PCCA: variants seen among roughly 807,000 people sequenced by gnomAD.
The protein encoded by PCCA is propionyl-CoA carboxylase alpha chain, mitochondrial.
A neutral mutation model predicts 101.3 loss-of-function variants in PCCA; 74 were observed. The observed-to-expected ratio is 0.73, with a 90% CI of 0.61 to 0.89. The LOEUF is 0.89. Among genes scored for constraint, PCCA ranks in the 40% least tolerant of loss-of-function variants. The pLI is 0.00. For missense variants in PCCA, 891 were observed against 907.0 expected (o/e 0.98, Z 0.23); for synonymous variants, 294 against 313.6 (o/e 0.94, Z 0.66).
At chr13:100,237,365 C>CTGGATTTAAGACCAGACCTAAA (rs1342967023) in intron 8 of PCCA, 1 of 152,068 alleles carries the variant, frequency 6.6e-6, no homozygotes, top group East Asian at 1.9e-4. Flanking sequence ...AAGACCAGAC[C>CTGGATTTAAGACCAGACCTAAA]ATAGAAAATC....
At chr13:100,235,224 G>GT (rs939822730) in intron 7 of PCCA, among the ~76,000 whole-genome samples, 48 of 141,436 alleles carry the variant, frequency 3.4e-4, no homozygotes, top group Middle Eastern at 7.6e-3. Context: ...TGAAATTAAA[G>GT]TTTTTTTTTA....
intron 21 of PCCA, among the ~76,000 whole-genome samples, chr13:100,484,930 T>TG (rs3837563): frequency 0.28 from 41,823 of 152,038 alleles, 6,010 homozygotes; most frequent in African/African-American, 0.35. Context: ...TTTGATGCAC[T>TG]GATAGGACCT....
chr13:100,254,460 G>A (rs1359793836), intron 8 of PCCA, among the ~76,000 whole-genome samples: 2 of 152,110 alleles, frequency 1.3e-5, no homozygotes, highest in African/African-American at 4.8e-5. Flanking sequence ...TGAGGTGAGG[G>A]GTAACAAGTA....
chr13:100,393,190 A>G (rs16957384), intron 19 of PCCA, among the ~76,000 whole-genome samples: 1 of 152,184 alleles, frequency 6.6e-6, no homozygotes, highest in Non-Finnish European at 1.5e-5. Context: ...CGATTGCTCA[A>G]TATGATTATA....
chr13:100,320,754 G>T (rs573135019), intron 16 of PCCA, among the ~76,000 whole-genome samples: 2 of 151,994 alleles, frequency 1.3e-5, no homozygotes, highest in Non-Finnish European at 2.9e-5. Flanking sequence ...TTTTTGCATC[G>T]ATGTTCATGA....
chr13:100,268,917 A>T lies in PCCA; in HGVS notation c.914+134A>T, dbSNP rs1388326533. On this transcript the variant is annotated intron_variant, in intron 11 of 23. Coordinates refer to ENST00000376285, the MANE Select transcript of PCCA (RefSeq NM_000282.4). ...CTGTTGCCCAGGCAGTGGTGCAATC[A>T]CGGCTCACTGCAGCCTCCACCTCCC... 7 of 734,346 alleles carry T rather than the reference A, an allele frequency of 9.5e-6. No individual in the cohort carries two copies. The East Asian group carries it at 1.9e-4, about 20-fold the overall frequency. 45.5% of individuals were successfully genotyped at this position (734,346 alleles called of 1,614,324 possible).
intron 6 of PCCA, among the ~76,000 whole-genome samples, chr13:100,199,788 TACCA>T (rs1390785290): frequency 6.6e-6 from 1 of 152,248 alleles, no homozygotes; most frequent in Admixed American, 6.5e-5. Context: ...ACTGTTTTAT[TACCA>T]CTGGTACAAT....
intron 19 of PCCA, among the ~76,000 whole-genome samples, chr13:100,371,474 A>G (rs2152815965): frequency 6.6e-6 from 1 of 152,314 alleles, no homozygotes; most frequent in Non-Finnish European, 1.5e-5. Context: ...TGGTTAAAAT[A>G]TCAGTACCTC....
chr13:100,442,766 T>A, intron 20 of PCCA, among the ~76,000 whole-genome samples: 1 of 152,162 alleles, frequency 6.6e-6, no homozygotes, highest in East Asian at 1.9e-4. Flanking sequence ...GAAGGCAGCT[T>A]TAGCAAGGAT....
chr13:100,428,817 G>T (rs2079347666), intron 20 of PCCA, among the ~76,000 whole-genome samples: 9 of 152,126 alleles, frequency 5.9e-5, no homozygotes, highest in Admixed American at 5.2e-4. Flanking sequence ...ATGAGCTGAG[G>T]AGTGGTGTGC....
chr13:100,135,357 A>G (rs908641270), intron 4 of PCCA, among the ~76,000 whole-genome samples: 3 of 152,114 alleles, frequency 2.0e-5, no homozygotes, highest in African/African-American at 7.2e-5. Flanking sequence ...CAACACTTAC[A>G]TTCCAGCCTG....
intron 4 of PCCA, among the ~76,000 whole-genome samples, chr13:100,123,704 G>A (rs2049668953): frequency 6.6e-6 from 1 of 152,062 alleles, no homozygotes; most frequent in Non-Finnish European, 1.5e-5. Context: ...ATGGGGAGTA[G>A]CCTAACATAT....
chr13:100,210,403 C>T (rs1462354883), intron 7 of PCCA, among the ~76,000 whole-genome samples: 1 of 152,190 alleles, frequency 6.6e-6, no homozygotes, highest in African/African-American at 2.4e-5. Flanking sequence ...AATGTACTGT[C>T]AGATCTCTGG....
rs146661976 is a variant in PCCA, at chr13:100,518,628, C to T, written c.2040+3061C>T. On this transcript the variant is annotated intron_variant, in intron 22 of 23. Coordinates refer to ENST00000376285, the MANE Select transcript of PCCA (RefSeq NM_000282.4). ...CACGTGGAGAGAGGATGTTAATACA[C>T]AGTAAAATGCAGGTAAGCAAACAAA... is the stretch of plus-strand genomic sequence containing the variant. 5.3e-5 allele frequency among the ~76,000 whole-genome samples: 8 copies of T among 152,254 alleles called. No individual in the cohort carries two copies. The East Asian group carries it at 1.5e-3, about 29-fold the overall frequency.
chr13:100,303,037 A>C (rs2066183418), intron 14 of PCCA, 39 bp downstream of exon 14: 1 of 1,095,644 alleles, frequency 9.1e-7, no homozygotes, highest in Admixed American at 1.7e-5. Context: ...AAGGGTTAAA[A>C]TCGTGATTTA....
intron 20 of PCCA, among the ~76,000 whole-genome samples, chr13:100,432,437 T>C (rs1418745105): frequency 1.3e-5 from 2 of 152,204 alleles, no homozygotes; most frequent in Non-Finnish European, 2.9e-5. Context: ...CATCAGATGA[T>C]ATTTGAGATA....
rs200753087 is a variant in PCCA, at chr13:100,212,039, C to T, written c.600+2576C>T. ...ACAGGCATGAGCCACTACACTTGGC[C>T]TATTGCCACTTTTCTGACCAATCTC... On this transcript the variant is annotated intron_variant, in intron 7 of 23. Transcript: ENST00000376285. Among the ~76,000 whole-genome samples, 5 of 152,180 alleles carry T rather than the reference C, an allele frequency of 3.3e-5. No homozygotes were observed. In the East Asian group the frequency reaches 9.6e-4, roughly 29 times the overall value.
chr13:100,316,295 T>C (rs989314685), intron 16 of PCCA, among the ~76,000 whole-genome samples: 1 of 152,240 alleles, frequency 6.6e-6, no homozygotes, highest in African/African-American at 2.4e-5. Flanking sequence ...TTTTAAAATA[T>C]CATTTAGTGA....
intron 21 of PCCA, among the ~76,000 whole-genome samples, chr13:100,455,292 G>A (rs1700125594): frequency 6.6e-6 from 1 of 152,204 alleles, no homozygotes; most frequent in African/African-American, 2.4e-5. Flanking sequence ...TAGTTTGGAA[G>A]GTCTCTGTGT....
Sources: gnomAD v4.1 joint callset for allele counts (sites outside exome capture counted in the v4.1 genomes callset) on GRCh38, gnomAD v4.1.1 for gene constraint, MANE v1.5 for transcripts, NCBI Gene and HGNC (gene_info 2026-07-23, HGNC 2026-07-21) for gene names.